Variants in CDK6 observed in about 807,000 individuals in gnomAD.
The protein encoded by CDK6 is cyclin dependent kinase 6.
Under a neutral mutation model 37.1 loss-of-function variants are expected in CDK6, and 6 were observed. That is an observed-to-expected ratio of 0.16 (90% CI 0.09 to 0.32). The LOEUF (loss-of-function observed/expected upper bound fraction) is 0.32. Ranked by LOEUF, CDK6 falls within the 10% of genes least tolerant of loss-of-function variation. The probability of loss-of-function intolerance (pLI) is 1.00; values close to 1 mark genes in which losing one functional copy is unlikely to be tolerated. For synonymous variants in CDK6, 160 were observed against 161.3 expected (o/e 0.99, Z 0.06); for missense variants, 224 against 418.9 (o/e 0.53, Z 4.06).
At position 92,618,154 on chromosome 7, in the gene CDK6, C is replaced by T. The variant is rs2116484545; in HGVS notation, c.752G>A (p.Arg251Lys). ...EDWPRDVALP[R>K]QAFHSKSAQP... is the part of the protein sequence containing the mutation. ...GGCAGATTTTGAATGAAAAGCCTGC[C>T]TGGGAAGGGCAACATCTCTAGGCCA... Residue 251 changes from arginine (R) to lysine (K), a missense_variant, in exon 7 of 8, where the codon AGG becomes AAG. By Grantham distance (26) the Arg-to-Lys change is conservative. Coordinates refer to ENST00000424848, the MANE Select transcript of CDK6 (RefSeq NM_001145306.2). The T allele has an allele frequency of 6.2e-7, 1 of 1,614,164 alleles. No homozygotes were observed. Among genetic ancestry groups the T allele is most frequent in the Non-Finnish European group, 8.5e-7 (1 of 1,179,990 alleles).
intron 3 of CDK6, among the ~76,000 whole-genome samples, chr7:92,757,677 G>C (rs947269557): frequency 1.3e-5 from 2 of 152,210 alleles, no homozygotes; most frequent in African/African-American, 4.8e-5. Context: ...ACCCAGTAAA[G>C]GGATTGCTGG....
Position 92,774,484 on chromosome 7 carries a change from G to A in CDK6, c.369+212C>T, listed in dbSNP as rs571410683. 1.5e-3 allele frequency among the ~76,000 whole-genome samples: 231 copies of A among 152,112 alleles called. 2 individuals are homozygous for A. Among genetic ancestry groups the A allele is most frequent in the African/African-American group, 5.1e-3 (212 of 41,490 alleles). On this transcript the variant is annotated intron_variant, in intron 3 of 7. Transcript: ENST00000424848. ...TTTTCCACTTAGTTCTAAAATTAATGAACTAGAATACATATGTCTGTACTT... is the reference window on the plus strand; with the variant it reads ...TTTTCCACTTAGTTCTAAAATTAATAAACTAGAATACATATGTCTGTACTT...
chr7:92,725,835 G>A (rs778092791), intron 3 of CDK6, 42 bp from the exon 4 acceptor site: 14 of 1,571,178 alleles, frequency 8.9e-6, no homozygotes, highest in Middle Eastern at 1.7e-4. Context: ...CACTCAAAAC[G>A]GAAGTTGAGC....
At chr7:92,668,741 T>C (rs1027903562) in intron 5 of CDK6, among the ~76,000 whole-genome samples, 2 of 152,192 alleles carry the variant, frequency 1.3e-5, no homozygotes, top group East Asian at 1.9e-4. Context: ...AAGCTGGTGA[T>C]GGACCCCAGA....
Position 92,606,300 on chromosome 7 carries a change from TG to T in CDK6, c.*8839del. 1 of 233,356 alleles carries T rather than the reference TG, an allele frequency of 4.3e-6. No homozygotes were observed. Among genetic ancestry groups the T allele is most frequent in the Non-Finnish European group, 8.5e-6 (1 of 117,960 alleles). The allele number at this position is 233,356 out of a possible 1,614,324, so 14.5% of individuals were successfully genotyped here. On this transcript the variant is annotated 3_prime_UTR_variant, in exon 8 of 8. Transcript: ENST00000424848. The stretch of plus-strand genomic sequence containing the variant: ...AGATGCTAGAGGCATTTCTAATGGG[TG>T]CCATGAGCACAGTCTGTGCCCAGCA...
chr7:92,628,913 A>G (rs1320674517), intron 5 of CDK6, among the ~76,000 whole-genome samples: 1 of 152,128 alleles, frequency 6.6e-6, no homozygotes, highest in Non-Finnish European at 1.5e-5. Flanking sequence ...TCAGCCAGGT[A>G]TGAAGGCTAG....
intron 5 of CDK6, among the ~76,000 whole-genome samples, chr7:92,666,904 T>C (rs1399545366): frequency 6.6e-6 from 1 of 152,192 alleles, no homozygotes; most frequent in African/African-American, 2.4e-5. Flanking sequence ...AGAAGTTAAC[T>C]GTACAACAGT....
intron 4 of CDK6, among the ~76,000 whole-genome samples, chr7:92,699,246 T>C (rs769470458): frequency 1.3e-5 from 2 of 152,186 alleles, no homozygotes; most frequent in African/African-American, 4.8e-5. Flanking sequence ...AAGGCTGACA[T>C]GAAAAGTGGC....
At chr7:92,748,821 T>A (rs1394020063) in intron 3 of CDK6, among the ~76,000 whole-genome samples, 1 of 152,150 alleles carries the variant, frequency 6.6e-6, no homozygotes, top group Non-Finnish European at 1.5e-5. Context: ...CATATCCCAC[T>A]CCCATTCCCC....
intron 4 of CDK6, among the ~76,000 whole-genome samples, chr7:92,717,497 AAAG>A (rs761828584): frequency 2.0e-5 from 3 of 151,446 alleles, no homozygotes; most frequent in Admixed American, 6.6e-5. Flanking sequence ...AAAAGAAAGA[AAAG>A]AAAAGAAAAA....
At chr7:92,805,839 C>G (rs1431013697) in intron 2 of CDK6, among the ~76,000 whole-genome samples, 3 of 152,090 alleles carry the variant, frequency 2.0e-5, no homozygotes, top group Non-Finnish European at 4.4e-5. Flanking sequence ...AATCTGAACC[C>G]TAAGGTTACT....
chr7:92,786,386 T>C (rs1800132663), intron 2 of CDK6, among the ~76,000 whole-genome samples: 1 of 152,192 alleles, frequency 6.6e-6, no homozygotes. Context: ...TCACTGAAGT[T>C]AGTTCCTTTT....
chr7:92,680,433 C>CAGA (rs1384244153), intron 4 of CDK6, among the ~76,000 whole-genome samples: 1 of 26,952 alleles, frequency 3.7e-5, no homozygotes. Context: ...AATTCCATCT[C>CAGA]AGAAAAAAAA....
chr7:92,622,961 A>G, intron 6 of CDK6, 75 bp downstream of exon 6: 2 of 851,092 alleles, frequency 2.3e-6, no homozygotes, highest in East Asian at 2.6e-5. Context: ...AACACATGAT[A>G]TGCATGTCAG....
intron 4 of CDK6, among the ~76,000 whole-genome samples, chr7:92,721,225 C>T (rs772765720): frequency 1.4e-4 from 21 of 152,212 alleles, no homozygotes; most frequent in Non-Finnish European, 1.5e-5. Flanking sequence ...ACAGCTGCCC[C>T]TAGGCTTAGG....
intron 4 of CDK6, among the ~76,000 whole-genome samples, chr7:92,717,346 A>C (rs922878390): frequency 2.1e-5 from 3 of 141,162 alleles, no homozygotes; most frequent in Non-Finnish European, 4.7e-5. Flanking sequence ...GGTCAAGGAA[A>C]GGAAAGGGGA....
intron 2 of CDK6, among the ~76,000 whole-genome samples, chr7:92,817,306 C>T (rs1342047373): frequency 2.6e-5 from 4 of 151,912 alleles, no homozygotes; most frequent in Non-Finnish European, 5.9e-5. Flanking sequence ...AAGGCTACAT[C>T]ATGACCAAGT....
intron 2 of CDK6, among the ~76,000 whole-genome samples, chr7:92,799,601 T>C (rs1402449172): frequency 6.6e-6 from 1 of 152,042 alleles, no homozygotes; most frequent in Admixed American, 6.6e-5. Context: ...AGACAGCAAC[T>C]GTGTCAGAGG....
intron 2 of CDK6, among the ~76,000 whole-genome samples, chr7:92,779,900 A>G (rs1052121711): frequency 7.2e-5 from 11 of 152,230 alleles, no homozygotes; most frequent in Non-Finnish European, 1.2e-4. Context: ...TTTGTCTACA[A>G]TGACTCCCTC....
Sources: gnomAD v4.1 joint callset for allele counts (sites outside exome capture counted in the v4.1 genomes callset) on GRCh38, gnomAD v4.1.1 for gene constraint, MANE v1.5 for transcripts, NCBI Gene and HGNC (gene_info 2026-07-23, HGNC 2026-07-21) for gene names.